SHOC1: variants seen among roughly 807,000 people sequenced by gnomAD.
The protein encoded by SHOC1 is protein shortage in chiasmata 1 ortholog.
Under a neutral mutation model 179.2 loss-of-function variants are expected in SHOC1, and 136 were observed. The observed-to-expected ratio is 0.76, with a 90% CI of 0.66 to 0.87. SHOC1 has a LOEUF of 0.87. Ranked by LOEUF, SHOC1 falls within the 40% of genes least tolerant of loss-of-function variation. The pLI is 0.00. For synonymous variants in SHOC1, 489 were observed against 586.6 expected (o/e 0.83, Z 2.41); for missense variants, 1,538 against 1,700.8 (o/e 0.90, Z 1.68).
intron 3 of SHOC1, among the ~76,000 whole-genome samples, chr9:111,784,656 T>C (rs1008042403): frequency 4.6e-5 from 7 of 152,218 alleles, no homozygotes; most frequent in Non-Finnish European, 8.8e-5. Context: ...TCAGTCTATA[T>C]AGCTATAACA....
At chr9:111,713,503 C>G (rs903093708) in intron 17 of SHOC1, among the ~76,000 whole-genome samples, 6 of 152,168 alleles carry the variant, frequency 3.9e-5, no homozygotes, top group Non-Finnish European at 8.8e-5. Flanking sequence ...AACCCGTGAT[C>G]TGCTGCTATA....
chr9:111,698,267 C>T (rs1345750110), intron 24 of SHOC1, among the ~76,000 whole-genome samples: 1 of 152,146 alleles, frequency 6.6e-6, no homozygotes, highest in Non-Finnish European at 1.5e-5. Flanking sequence ...AGTTGTTGCC[C>T]ATGCCTATGT....
At chr9:111,736,358 A>G (rs1198105084) in intron 12 of SHOC1, among the ~76,000 whole-genome samples, 1 of 152,224 alleles carries the variant, frequency 6.6e-6, no homozygotes, top group Non-Finnish European at 1.5e-5. Flanking sequence ...TACTGGTACA[A>G]AAAGAGATAC....
At chr9:111,770,856 G>A (rs575605786) in intron 5 of SHOC1, among the ~76,000 whole-genome samples, 1 of 152,138 alleles carries the variant, frequency 6.6e-6, no homozygotes, top group Admixed American at 6.5e-5. Flanking sequence ...TTGGTTTCCA[G>A]TTGCATGGAA....
chr9:111,708,360 G>A (rs1300108529), intron 18 of SHOC1, among the ~76,000 whole-genome samples: 2 of 151,794 alleles, frequency 1.3e-5, no homozygotes, highest in African/African-American at 2.4e-5. Flanking sequence ...CTGCCACCAC[G>A]CCCAGCCAAT....
chr9:111,690,766 T>C (rs1015840477), intron 27 of SHOC1, among the ~76,000 whole-genome samples: 2 of 152,200 alleles, frequency 1.3e-5, no homozygotes, highest in African/African-American at 4.8e-5. Flanking sequence ...TTACAAGTCC[T>C]GTAGCTTATA....
intron 9 of SHOC1, among the ~76,000 whole-genome samples, chr9:111,746,836 T>C (rs1347106528): frequency 6.6e-6 from 1 of 152,128 alleles, no homozygotes; most frequent in Non-Finnish European, 1.5e-5. Flanking sequence ...ATATATAACA[T>C]TGTGTCTCAA....
chr9:111,784,688 C>G (rs1836197389), intron 3 of SHOC1, among the ~76,000 whole-genome samples: 1 of 152,150 alleles, frequency 6.6e-6, no homozygotes, highest in Admixed American at 6.5e-5. Context: ...GACTCGGTGG[C>G]TCAAACAACA....
chr9:111,692,045 G>T lies in SHOC1; in HGVS notation c.3932C>A (p.Thr1311Asn). The T allele has an allele frequency of 6.2e-7, 1 of 1,613,786 alleles. No individual in the cohort carries two copies. Among genetic ancestry groups the T allele is most frequent in the South Asian group, 1.1e-5 (1 of 91,034 alleles). ...QMNCETIKSP[T>N]DTQKRVSVVP... ...AACTGACACTCTCTTCTGAGTGTCA[G>T]TTGGTGATTTTATAGTTTCACAGTT... Residue 1311 changes from threonine to asparagine, a missense_variant, in exon 27 of 28, where the codon ACT (threonine) becomes AAT (asparagine). By Grantham distance (65) the Thr-to-Asn change is moderately conservative. Coordinates refer to ENST00000682961, the MANE Select transcript of SHOC1 (RefSeq NM_001378211.1).
chr9:111,794,042 G>A (rs901194319), intron 1 of SHOC1, among the ~76,000 whole-genome samples: 1 of 151,136 alleles, frequency 6.6e-6, no homozygotes, highest in African/African-American at 2.4e-5. Flanking sequence ...AATAGAGACG[G>A]GGTTTCGCCA....
At chr9:111,763,089 G>T (rs1425677853) in intron 5 of SHOC1, among the ~76,000 whole-genome samples, 1 of 150,528 alleles carries the variant, frequency 6.6e-6, no homozygotes, top group Non-Finnish European at 1.5e-5. Flanking sequence ...GAGTACTTAT[G>T]GATAAATCTT....
intron 1 of SHOC1, among the ~76,000 whole-genome samples, chr9:111,792,608 A>G (rs2131661722): frequency 6.6e-6 from 1 of 152,302 alleles, no homozygotes; most frequent in Admixed American, 6.5e-5. Flanking sequence ...TCTCAAACCA[A>G]AAACAAAAAC....
chr9:111,791,865 AGAATAACCATATTTCTCAAGTGG>A (rs1836459671), intron 1 of SHOC1, among the ~76,000 whole-genome samples: 1 of 137,502 alleles, frequency 7.3e-6, no homozygotes, highest in East Asian at 2.2e-4. Flanking sequence ...AGTGGTCTTG[AGAATAACCATATTTCTCAAGTGG>A]TCTTGAGAAT....
intron 24 of SHOC1, among the ~76,000 whole-genome samples, chr9:111,697,336 C>G (rs939588406): frequency 6.6e-6 from 1 of 152,104 alleles, no homozygotes; most frequent in Non-Finnish European, 1.5e-5. Flanking sequence ...TGCTATCACT[C>G]CCACCTCCCG....
chr9:111,776,608 GGGTTCA>G (rs1305396439), intron 4 of SHOC1, among the ~76,000 whole-genome samples: 2 of 152,146 alleles, frequency 1.3e-5, no homozygotes, highest in African/African-American at 4.8e-5. Flanking sequence ...GCTTCTAGAT[GGGTTCA>G]GCCATGGAAA....
At chr9:111,760,768 A>T (rs1038852492) in intron 5 of SHOC1, among the ~76,000 whole-genome samples, 2 of 151,798 alleles carry the variant, frequency 1.3e-5, no homozygotes, top group East Asian at 1.9e-4. Flanking sequence ...TCATTTTTTT[A>T]AAAATTTGAA....
At chr9:111,775,203 C>T (rs1186937129) in intron 5 of SHOC1, among the ~76,000 whole-genome samples, 2 of 152,012 alleles carry the variant, frequency 1.3e-5, no homozygotes, top group Non-Finnish European at 2.9e-5. Flanking sequence ...CCATGTTGGC[C>T]AAGCTGGTCT....
intron 8 of SHOC1, among the ~76,000 whole-genome samples, chr9:111,753,716 A>T (rs1016010761): frequency 6.6e-6 from 1 of 152,152 alleles, no homozygotes; most frequent in Non-Finnish European, 1.5e-5. Flanking sequence ...GAACCATATG[A>T]TCATCTCAAT....
chr9:111,755,054 C>A (rs973688650), intron 8 of SHOC1, among the ~76,000 whole-genome samples: 2 of 152,160 alleles, frequency 1.3e-5, no homozygotes, highest in Non-Finnish European at 2.9e-5. Flanking sequence ...TACCCCCTGA[C>A]CTTTCAATAA....
Sources: gnomAD v4.1 joint callset for allele counts (sites outside exome capture counted in the v4.1 genomes callset) on GRCh38, gnomAD v4.1.1 for gene constraint, MANE v1.5 for transcripts, NCBI Gene and HGNC (gene_info 2026-07-23, HGNC 2026-07-21) for gene names.